ACOT12: variants seen among roughly 807,000 people sequenced by gnomAD.
ACOT12 encodes acyl-CoA thioesterase 12.
A neutral mutation model predicts 67.7 loss-of-function variants in ACOT12; 51 were observed. The observed-to-expected ratio is 0.75, with a 90% CI of 0.60 to 0.95. The LOEUF is 0.95. Ranked by LOEUF, ACOT12 falls within the 40% of genes least tolerant of loss-of-function variation. ACOT12 has a pLI of 0.00. For missense variants in ACOT12, 734 were observed against 708.1 expected, an observed-to-expected ratio of 1.04 and a Z score of -0.41; for synonymous variants, 251 against 244.6, an observed-to-expected ratio of 1.03 and a Z score of -0.24.
intron 8 of ACOT12, among the ~76,000 whole-genome samples, 171 bp from the exon 9 acceptor site, chr5:81,344,386 AG>A (rs1385240738): frequency 6.6e-6 from 1 of 152,228 alleles, no homozygotes; most frequent in Non-Finnish European, 1.5e-5. Flanking sequence ...GAATCCACAA[AG>A]GGCAGTTGCA....
the ACOT12 span, among the ~76,000 whole-genome samples, chr5:81,318,711 T>TA: frequency 2.6e-5 from 4 of 152,212 alleles, no homozygotes; most frequent in African/African-American, 7.2e-5. Context: ...ATTTTCCTTT[T>TA]AAGTTTTTAC....
At chr5:81,359,118 C>G (rs1321760800) in intron 5 of ACOT12, among the ~76,000 whole-genome samples, 2 of 152,126 alleles carry the variant, frequency 1.3e-5, no homozygotes, top group Non-Finnish European at 2.9e-5. Context: ...CCTTCCTCTT[C>G]TTCCGGTGCC....
chr5:81,369,017 C>T (rs1045976980), intron 3 of ACOT12, among the ~76,000 whole-genome samples: 1 of 151,962 alleles, frequency 6.6e-6, no homozygotes, highest in Admixed American at 6.6e-5. Context: ...GTGATGGGAA[C>T]GTTGTATATT....
In ACOT12 at chr5:81,386,127, G is replaced by C. The variant is rs182557999; in HGVS notation, c.128-301C>G. Among the ~76,000 whole-genome samples the C allele has an allele frequency of 2.6e-3, 393 of 152,314 alleles. 1 individual carries two copies. The highest frequency in any genetic ancestry group is 9.2e-3 in the African/African-American group (383 of 41,578). On this transcript the variant is annotated intron_variant, in intron 1 of 14. Transcript: ENST00000307624. ...TCTAGCTATTGAAATAGCAATTTTA[G>C]TAAGTTGGTGCTGACTTTAAATATT...
chr5:81,338,496 G>A (rs113819816), intron 11 of ACOT12, among the ~76,000 whole-genome samples: 17,361 of 152,156 alleles, frequency 0.11, 1,150 homozygotes, highest in Middle Eastern at 0.16. Flanking sequence ...CTTCTGCCAC[G>A]ATTGTAAGTT....
chr5:81,309,017 C>G, the ACOT12 span: 1 of 1,612,054 alleles, frequency 6.2e-7, no homozygotes, highest in African/African-American at 1.3e-5. Flanking sequence ...TCCTGATAAT[C>G]CCAAAGGACT....
At chr5:81,389,871 G>A in intron 1 of ACOT12, among the ~76,000 whole-genome samples, 1 of 150,344 alleles carries the variant, frequency 6.7e-6, no homozygotes, top group East Asian at 1.9e-4. Flanking sequence ...ATCTGTAATT[G>A]TATGTCTTTC....
chr5:81,334,201 GT>G (rs1758921440), intron 12 of ACOT12, among the ~76,000 whole-genome samples: 1 of 152,152 alleles, frequency 6.6e-6, no homozygotes, highest in Non-Finnish European at 1.5e-5. Flanking sequence ...CGCGTGAGCC[GT>G]TTTTTCCAGT....
At chr5:81,355,494 G>A (rs759224261) in intron 5 of ACOT12, among the ~76,000 whole-genome samples, 18 of 152,270 alleles carry the variant, frequency 1.2e-4, no homozygotes, top group Non-Finnish European at 1.3e-4. Context: ...TCACCTATTT[G>A]TGGAATCTAA....
At chr5:81,375,299 A>G (rs756595529) in intron 2 of ACOT12, among the ~76,000 whole-genome samples, 17 of 152,120 alleles carry the variant, frequency 1.1e-4, no homozygotes, top group Non-Finnish European at 1.8e-4. Context: ...GCTGAGAGAC[A>G]CTGTCACCCC....
intron 2 of ACOT12, among the ~76,000 whole-genome samples, chr5:81,383,207 G>A (rs1277142084): frequency 6.6e-6 from 1 of 152,016 alleles, no homozygotes; most frequent in Non-Finnish European, 1.5e-5. Flanking sequence ...GCAAAACCCT[G>A]TCTCTAATAA....
intron 1 of ACOT12, among the ~76,000 whole-genome samples, 172 bp from the exon 2 acceptor site, chr5:81,385,998 C>T (rs1760716231): frequency 6.6e-6 from 1 of 152,234 alleles, no homozygotes; most frequent in African/African-American, 2.4e-5. Context: ...AGCTTCTTTG[C>T]TCTGTGAGTT....
intron 12 of ACOT12, among the ~76,000 whole-genome samples, chr5:81,335,196 G>A (rs889120709): frequency 1.3e-5 from 2 of 152,148 alleles, no homozygotes; most frequent in African/African-American, 4.8e-5. Context: ...GTGCAATCTT[G>A]GCACGTCTCA....
Position 81,335,738 on chromosome 5 carries a change from A to G in ACOT12, c.1262+30T>C, listed in dbSNP as rs781379551. 11 of 1,602,602 alleles carry G rather than the reference A, an allele frequency of 6.9e-6. No homozygotes were observed. In the South Asian group the frequency reaches 1.2e-4, roughly 18 times the overall value. On this transcript the variant is annotated intron_variant, in intron 12 of 14. Transcript: ENST00000307624. ...CATCTTTTACATTATGTCAAGGTTG[A>G]TTGAGAAAAATTTTTAAATTTGTTC...
At chr5:81,387,036 C>T (rs1045841079) in intron 1 of ACOT12, among the ~76,000 whole-genome samples, 5 of 127,170 alleles carry the variant, frequency 3.9e-5, no homozygotes, top group Admixed American at 9.2e-5. Context: ...CAGATAGAGT[C>T]TCACTGTCAC....
At chr5:81,371,084 T>G (rs1389815424) in intron 3 of ACOT12, among the ~76,000 whole-genome samples, 1 of 152,154 alleles carries the variant, frequency 6.6e-6, no homozygotes, top group Non-Finnish European at 1.5e-5. Flanking sequence ...GTTGAGGGGA[T>G]GGAGAACAAA....
intron 2 of ACOT12, among the ~76,000 whole-genome samples, chr5:81,380,317 A>G (rs1170655910): frequency 6.6e-6 from 1 of 152,146 alleles, no homozygotes. Context: ...TAATCCCAGC[A>G]CTTTGGGAGG....
chr5:81,315,599 G>A, the ACOT12 span, among the ~76,000 whole-genome samples: 4 of 152,340 alleles, frequency 2.6e-5, no homozygotes, highest in South Asian at 8.3e-4. Context: ...AATCAACAGA[G>A]AGATGATGCA....
At position 81,344,948 on chromosome 5, in the gene ACOT12, A is replaced by G; in HGVS notation, c.867T>C (p.Asn289=). 1 of 1,614,234 alleles carries G rather than the reference A, an allele frequency of 6.2e-7. No individual in the cohort carries two copies. The highest frequency in any genetic ancestry group is 8.5e-7 in the Non-Finnish European group (1 of 1,180,036). ...TGAGATTTTCCTTATCATCAGCAGCATTGTAAATGAGAAAAGCACTGTTGA... is the reference window on the plus strand; with the variant it reads ...TGAGATTTTCCTTATCATCAGCAGCGTTGTAAATGAGAAAAGCACTGTTGA... ...RHINSAFLIY[N]AADDKENLIT... Residue 289 remains asparagine (N), a synonymous_variant, in exon 8 of 15, where the codon AAT becomes AAC. Transcript: ENST00000307624.
Sources: allele counts gnomAD v4.1 joint callset (sites outside exome capture counted in the v4.1 genomes callset), GRCh38; gene constraint gnomAD v4.1.1; transcripts MANE v1.5; gene names NCBI Gene and HGNC (gene_info 2026-07-23, HGNC 2026-07-21).